The following GRID1 variants were observed in gnomAD, a reference collection of about 807,000 sequenced individuals.
The protein encoded by GRID1 is glutamate ionotropic receptor delta type subunit 1.
Under a neutral mutation model 98.0 loss-of-function variants are expected in GRID1, and 28 were observed. The ratio of observed to expected loss-of-function variants is 0.29; its 90% confidence interval spans 0.21 to 0.39. The LOEUF is 0.39. Ranked by LOEUF, GRID1 falls within the 10% of genes least tolerant of loss-of-function variation. The probability of loss-of-function intolerance (pLI) is 1.00; values close to 1 mark genes in which losing one functional copy is unlikely to be tolerated. For synonymous variants in GRID1, 553 were observed against 538.5 expected (o/e 1.03, Z -0.37); for missense variants, 1,111 against 1,340.5 (o/e 0.83, Z 2.67).
At chr10:86,174,256 A>G (rs899395250) in intron 3 of GRID1, among the ~76,000 whole-genome samples, 1 of 152,108 alleles carries the variant, frequency 6.6e-6, no homozygotes, top group Non-Finnish European at 1.5e-5. Flanking sequence ...ACAAGGCTAC[A>G]GTCACGAAAA....
intron 2 of GRID1, among the ~76,000 whole-genome samples, chr10:86,234,383 G>A (rs368778855): frequency 1.3e-5 from 2 of 152,188 alleles, no homozygotes; most frequent in East Asian, 1.9e-4. Context: ...AAGAATGAAA[G>A]CCAAACAACG....
At chr10:86,015,783 C>T (rs116356804) in intron 4 of GRID1, among the ~76,000 whole-genome samples, 262 of 152,302 alleles carry the variant, frequency 1.7e-3, no homozygotes, top group African/African-American at 5.4e-3. Context: ...TTAGTGGGAG[C>T]GGACTTCATC....
At chr10:85,865,452 C>T (rs924640677) in intron 6 of GRID1, among the ~76,000 whole-genome samples, 3 of 152,150 alleles carry the variant, frequency 2.0e-5, no homozygotes, top group African/African-American at 7.2e-5. Context: ...TGCAAAAATT[C>T]CCTGTTCTTC....
chr10:85,636,024 G>A (rs1843036562), intron 13 of GRID1, among the ~76,000 whole-genome samples: 1 of 152,204 alleles, frequency 6.6e-6, no homozygotes, highest in Admixed American at 6.5e-5. Context: ...CCTCATTAAT[G>A]AACTGGTTGT....
intron 12 of GRID1, among the ~76,000 whole-genome samples, chr10:85,677,009 G>A (rs1203513069): frequency 6.6e-6 from 1 of 152,124 alleles, no homozygotes; most frequent in African/African-American, 2.4e-5. Context: ...TTGCAGATGA[G>A]CTGAGAAATT....
intron 2 of GRID1, among the ~76,000 whole-genome samples, chr10:86,208,408 G>A (rs1369021541): frequency 6.6e-6 from 1 of 151,842 alleles, no homozygotes; most frequent in Non-Finnish European, 1.5e-5. Context: ...GCCCTGCTGT[G>A]CCCCCCAAGA....
At chr10:86,311,620 C>T (rs565188246) in intron 2 of GRID1, among the ~76,000 whole-genome samples, 1 of 152,104 alleles carries the variant, frequency 6.6e-6, no homozygotes, top group Admixed American at 6.5e-5. Context: ...AAATGCACTG[C>T]TGCCTTTCTT....
At chr10:85,857,299 G>A (rs1843121168) in intron 6 of GRID1, among the ~76,000 whole-genome samples, 1 of 152,204 alleles carries the variant, frequency 6.6e-6, no homozygotes, top group Non-Finnish European at 1.5e-5. Context: ...ATCTAGGGTA[G>A]AAGTGTGAAG....
intron 2 of GRID1, among the ~76,000 whole-genome samples, chr10:86,319,596 C>T (rs1279641729): frequency 1.3e-5 from 2 of 152,174 alleles, no homozygotes; most frequent in African/African-American, 4.8e-5. Flanking sequence ...GTGGGTAAAG[C>T]ACCCATCCCA....
chr10:86,130,314 G>C (rs906109040), intron 4 of GRID1, among the ~76,000 whole-genome samples: 2 of 152,216 alleles, frequency 1.3e-5, no homozygotes, highest in African/African-American at 4.8e-5. Context: ...AGGAGGCCAG[G>C]AAATACTGGG....
intron 12 of GRID1, among the ~76,000 whole-genome samples, chr10:85,683,316 AT>A (rs1369306440): frequency 4.6e-5 from 7 of 152,254 alleles, no homozygotes; most frequent in African/African-American, 1.7e-4. Flanking sequence ...GGAGAACTCC[AT>A]GTCTCTCTCA....
intron 2 of GRID1, among the ~76,000 whole-genome samples, chr10:86,289,665 G>A (rs1371611194): frequency 2.6e-5 from 4 of 152,024 alleles, no homozygotes; most frequent in South Asian, 4.2e-4. Context: ...CTCCCACCCC[G>A]ATTTTCTTTT....
At chr10:85,770,849 T>G (rs533115745) in intron 8 of GRID1, among the ~76,000 whole-genome samples, 1 of 152,168 alleles carries the variant, frequency 6.6e-6, no homozygotes, top group Admixed American at 6.5e-5. Flanking sequence ...CTACGTCTGA[T>G]TGGTGTACCT....
intron 4 of GRID1, among the ~76,000 whole-genome samples, chr10:86,117,010 C>T (rs756862583): frequency 6.6e-6 from 1 of 151,682 alleles, no homozygotes; most frequent in Non-Finnish European, 1.5e-5. Flanking sequence ...ATCATTACCA[C>T]AATCACCAAT....
intron 14 of GRID1, among the ~76,000 whole-genome samples, chr10:85,616,308 A>G (rs1842787865): frequency 6.6e-6 from 1 of 152,208 alleles, no homozygotes; most frequent in Non-Finnish European, 1.5e-5. Flanking sequence ...TGACTTGCCC[A>G]CTGTTGTAAT....
chr10:85,930,975 G>T (rs572704321), intron 4 of GRID1, among the ~76,000 whole-genome samples: 3 of 152,218 alleles, frequency 2.0e-5, no homozygotes, highest in Admixed American at 6.5e-5. Context: ...AAGCAGCTGA[G>T]ATTACAGGTG....
intron 8 of GRID1, among the ~76,000 whole-genome samples, chr10:85,786,925 T>C (rs1842434839): frequency 6.6e-6 from 1 of 152,012 alleles, no homozygotes; most frequent in African/African-American, 2.4e-5. Flanking sequence ...CATTAAGAAA[T>C]GGGGCCTCTC....
At chr10:86,284,467 G>A (rs1847400837) in intron 2 of GRID1, among the ~76,000 whole-genome samples, 1 of 152,212 alleles carries the variant, frequency 6.6e-6, no homozygotes, top group Non-Finnish European at 1.5e-5. Flanking sequence ...GCTCCTCTGT[G>A]AACAAAACCA....
intron 5 of GRID1, among the ~76,000 whole-genome samples, chr10:85,883,640 C>A (rs971515199): frequency 6.6e-6 from 1 of 151,966 alleles, no homozygotes; most frequent in African/African-American, 2.4e-5. Flanking sequence ...CCTTATGAAG[C>A]CTTTGATTCA....
Sources: gnomAD v4.1 joint callset for allele counts (sites outside exome capture counted in the v4.1 genomes callset) on GRCh38, gnomAD v4.1.1 for gene constraint, MANE v1.5 for transcripts, NCBI Gene and HGNC (gene_info 2026-07-23, HGNC 2026-07-21) for gene names.